Variants in PCGF3 observed in about 807,000 individuals in gnomAD.
PCGF3 encodes polycomb group ring finger 3.
Under a neutral mutation model 33.1 loss-of-function variants are expected in PCGF3, and 7 were observed. The observed-to-expected ratio is 0.21, with a 90% confidence interval of 0.12 to 0.40. The LOEUF is 0.40. Ranked by LOEUF, PCGF3 falls within the 10% of genes least tolerant of loss-of-function variation. The pLI is 1.00. For synonymous variants in PCGF3, 153 were observed against 121.3 expected (o/e 1.26, Z -1.72); for missense variants, 211 against 313.3 (o/e 0.67, Z 2.46).
exon 11 of PCGF3, chr4:766,296 G>A (rs763957999): frequency 6.0e-5 from 31 of 515,884 alleles, no homozygotes; most frequent in South Asian, 5.4e-4. Context: ...AGAGCCGATC[G>A]TCCTCTCCCC....
At chr4:769,780 A>T (rs1745545421) in exon 11 of PCGF3, 2 of 152,652 alleles carry the variant, frequency 1.3e-5, no homozygotes, top group African/African-American at 4.8e-5. Context: ...GCATTTTCCC[A>T]GACGAAAGCA....
At chr4:764,595 A>G (rs940635019) in intron 9 of PCGF3, 6 of 175,602 alleles carry the variant, frequency 3.4e-5, no homozygotes, top group Non-Finnish European at 6.1e-5. Context: ...TGTGGTAGAC[A>G]GGGTGTGATG....
chr4:754,271 T>C (rs960099209), intron 8 of PCGF3, among the ~76,000 whole-genome samples: 3 of 152,168 alleles, frequency 2.0e-5, no homozygotes, highest in Admixed American at 1.3e-4. Context: ...AAATGTGGTT[T>C]GTTTTCACTC....
In PCGF3 at chr4:743,602, C is replaced by T. The variant is rs370655918; in HGVS notation, c.373+18C>T. 1 of 1,446,940 alleles carries T rather than the reference C, an allele frequency of 6.9e-7. No individual in the cohort carries two copies. Among genetic ancestry groups the T allele is most frequent in the South Asian group, 1.1e-5 (1 of 87,440 alleles). 89.6% of individuals were successfully genotyped at this position (1,446,940 alleles called of 1,614,324 possible). A position where few individuals can be genotyped will look rare whatever the true frequency, so the allele number is the denominator to read the frequency against. ...TCGGAATGGTGAGTGCCCTGCGTGCCCATCCAGAAGCCCCGGGAATCCCCT... is the reference window on the plus strand; with the variant it reads ...TCGGAATGGTGAGTGCCCTGCGTGCTCATCCAGAAGCCCCGGGAATCCCCT... On this transcript the variant is annotated intron_variant, in intron 7 of 10. Coordinates refer to ENST00000362003, the Ensembl canonical transcript of PCGF3.
chr4:764,974 T>G lies in PCGF3; in HGVS notation c.601-10T>G. ...CTCTCCGCTGCTAATCAAACCTCCT[T>G]ATCCCCCAGCTGGACATTTTATGCA... On this transcript the variant is annotated splice_polypyrimidine_tract_variant and intron_variant, in intron 9 of 10. Transcript: ENST00000362003. 2 of 1,611,368 alleles carry G rather than the reference T, an allele frequency of 1.2e-6. No homozygotes were observed. The highest frequency in any genetic ancestry group is 1.7e-6 in the Non-Finnish European group (2 of 1,177,548).
intron 5 of PCGF3, among the ~76,000 whole-genome samples, chr4:735,661 C>CT (rs1010873969): frequency 6.6e-6 from 1 of 152,260 alleles, no homozygotes; most frequent in Non-Finnish European, 1.5e-5. Context: ...TGAGCCGGCC[C>CT]TTGGATACCC....
At chr4:718,941 C>CT (rs926764393) in intron 1 of PCGF3, among the ~76,000 whole-genome samples, 9 of 152,098 alleles carry the variant, frequency 5.9e-5, no homozygotes, top group East Asian at 1.9e-4. Context: ...TTTTCATTTT[C>CT]TTTTTTTTCT....
At chr4:712,528 A>G (rs1577393416) in intron 1 of PCGF3, among the ~76,000 whole-genome samples, 3 of 152,088 alleles carry the variant, frequency 2.0e-5, no homozygotes, top group Admixed American at 1.3e-4. Context: ...GCTCACTGCA[A>G]CCTCCGCCTC....
At chr4:734,780 T>G in intron 4 of PCGF3, 151 bp from the exon 5 acceptor site, 2 of 1,406,856 alleles carry the variant, frequency 1.4e-6, no homozygotes, top group East Asian at 2.7e-5. Flanking sequence ...GGCAAGATGT[T>G]TCCTTTCAGA....
At chr4:709,694 A>G (rs1742483425) in intron 1 of PCGF3, among the ~76,000 whole-genome samples, 1 of 152,234 alleles carries the variant, frequency 6.6e-6, no homozygotes, top group Non-Finnish European at 1.5e-5. Context: ...CTAGACTCCC[A>G]AGAGAGACAC....
intron 8 of PCGF3, among the ~76,000 whole-genome samples, chr4:753,558 G>A (rs1399911536): frequency 1.3e-5 from 2 of 151,924 alleles, no homozygotes; most frequent in Non-Finnish European, 2.9e-5. Flanking sequence ...CAGGATAATG[G>A]CGTAAACCCG....
intron 8 of PCGF3, among the ~76,000 whole-genome samples, chr4:754,572 C>T (rs184764763): frequency 6.6e-6 from 1 of 152,298 alleles, no homozygotes; most frequent in East Asian, 1.9e-4. Flanking sequence ...GGACCTGGTG[C>T]CAGGCTGCCC....
At chr4:744,518 G>A (rs998149500) in intron 7 of PCGF3, 82 bp from the exon 8 acceptor site, 10 of 1,042,618 alleles carry the variant, frequency 9.6e-6, no homozygotes, top group Non-Finnish European at 1.3e-5. Flanking sequence ...AATTTTTGAC[G>A]GCATTTGGAG....
chr4:741,740 CACTG>C (rs1345785582), intron 6 of PCGF3, among the ~76,000 whole-genome samples: 2 of 152,186 alleles, frequency 1.3e-5, no homozygotes, highest in Non-Finnish European at 2.9e-5. Context: ...ATACACCTGA[CACTG>C]AGTGCTGCTA....
intron 1 of PCGF3, among the ~76,000 whole-genome samples, chr4:719,390 C>T (rs1261282460): frequency 3.3e-5 from 5 of 152,342 alleles, no homozygotes; most frequent in Admixed American, 1.3e-4. Flanking sequence ...TGTGTCCGCA[C>T]GAGGTTGATG....
chr4:765,564 G>T (rs1002022551), intron 10 of PCGF3, among the ~76,000 whole-genome samples: 1 of 152,246 alleles, frequency 6.6e-6, no homozygotes, highest in Non-Finnish European at 1.5e-5. Flanking sequence ...AGGCCCTGGT[G>T]GGAAAGTGCT....
intron 1 of PCGF3, among the ~76,000 whole-genome samples, chr4:730,054 G>A (rs1352606919): frequency 2.0e-5 from 3 of 151,956 alleles, no homozygotes; most frequent in Non-Finnish European, 2.9e-5. Context: ...CTCCCTCCCT[G>A]TCTGAGGCCC....
intron 1 of PCGF3, among the ~76,000 whole-genome samples, chr4:708,458 C>A (rs1480254081): frequency 6.6e-6 from 1 of 152,058 alleles, no homozygotes; most frequent in African/African-American, 2.4e-5. Context: ...AGGCATCTGG[C>A]ATCCTGGTAC....
intron 10 of PCGF3, among the ~76,000 whole-genome samples, 158 bp from the exon 11 acceptor site, chr4:765,874 G>A (rs543892519): frequency 1.1e-4 from 16 of 152,292 alleles, no homozygotes; most frequent in African/African-American, 3.9e-4. Flanking sequence ...CAACTTCTGG[G>A]GGACCCTTCT....
Sources: allele counts gnomAD v4.1 joint callset (sites outside exome capture counted in the v4.1 genomes callset), GRCh38; gene constraint gnomAD v4.1.1; transcripts MANE v1.5; gene names NCBI Gene and HGNC (gene_info 2026-07-23, HGNC 2026-07-21).